The following EDIL3 variants were observed in gnomAD, a reference collection of about 807,000 sequenced individuals.
EDIL3 encodes EGF like and discoidin domains 3.
EDIL3 carries 37 observed loss-of-function variants against 67.4 expected under a neutral mutation model. The ratio of observed to expected loss-of-function variants is 0.55; its 90% CI spans 0.42 to 0.72. The LOEUF (loss-of-function observed/expected upper bound fraction) is 0.72. Ranked by LOEUF, EDIL3 falls within the 30% of genes least tolerant of loss-of-function variation. The pLI is 0.00. For synonymous variants in EDIL3, 195 were observed against 196.3 expected (o/e 0.99, Z 0.05); for missense variants, 527 against 586.3 (o/e 0.90, Z 1.04).
intron 1 of EDIL3, among the ~76,000 whole-genome samples, chr5:84,255,587 A>G (rs895919646): frequency 6.6e-6 from 1 of 152,212 alleles, no homozygotes; most frequent in African/African-American, 2.4e-5. Context: ...GCATCTGGGC[A>G]CCAACTTCCT....
intron 1 of EDIL3, among the ~76,000 whole-genome samples, chr5:84,303,806 C>CTGTG (rs1268139374): frequency 1.5e-4 from 15 of 101,328 alleles, no homozygotes; most frequent in African/African-American, 4.1e-4. Flanking sequence ...CTCTCTCTCT[C>CTGTG]TCTGTGTGTG....
Position 83,943,188 on chromosome 5 carries a change from T to C in EDIL3, c.*231A>G. The stretch of plus-strand genomic sequence containing the variant: ...ACAATGAGAGAAAAGTAATTCACAC[T>C]TAATGTGTTGTTACTTAAGAGATTT... On this transcript the variant is annotated 3_prime_UTR_variant, in exon 11 of 11. Coordinates refer to ENST00000296591, the MANE Select transcript of EDIL3 (RefSeq NM_005711.5). 1 of 496,004 alleles carries C rather than the reference T, an allele frequency of 2.0e-6. No individual in the cohort carries two copies. Among genetic ancestry groups the C allele is most frequent in the African/African-American group, 2.0e-5 (1 of 50,644 alleles). The allele number at this position is 496,004 out of a possible 1,614,324, so 30.7% of individuals were successfully genotyped here.
Position 83,974,896 on chromosome 5 carries a change from T to A in EDIL3, c.1138-11536A>T, listed in dbSNP as rs571233210. On this transcript the variant is annotated intron_variant, in intron 9 of 10. Coordinates refer to ENST00000296591, the MANE Select transcript of EDIL3 (RefSeq NM_005711.5). ...ATTCTTAAAACTCCAATCTCATCAA[T>A]CTTTTCCTTTAGGTCCTAATATCTA... Among the ~76,000 whole-genome samples, 4 of 152,190 alleles carry A rather than the reference T, an allele frequency of 2.6e-5. No homozygotes were observed. In the East Asian group the frequency reaches 7.7e-4, roughly 29 times the overall value.
At chr5:83,944,721 TA>T (rs1230555113) in intron 10 of EDIL3, among the ~76,000 whole-genome samples, 2 of 152,048 alleles carry the variant, frequency 1.3e-5, no homozygotes, top group Non-Finnish European at 2.9e-5. Context: ...TTTAAATTTT[TA>T]GAGTAAAAAT....
chr5:84,173,452 C>A (rs192102010), intron 4 of EDIL3, among the ~76,000 whole-genome samples: 26 of 152,258 alleles, frequency 1.7e-4, no homozygotes, highest in Admixed American at 6.5e-4. Context: ...CCCCTGCACC[C>A]ACTGGAAGCA....
intron 9 of EDIL3, among the ~76,000 whole-genome samples, chr5:84,056,683 T>A (rs1034045908): frequency 3.9e-5 from 6 of 152,010 alleles, no homozygotes; most frequent in Admixed American, 2.0e-4. Flanking sequence ...TTAGCTGGTA[T>A]ATAAAAGACA....
intron 5 of EDIL3, among the ~76,000 whole-genome samples, chr5:84,125,325 A>G (rs575615323): frequency 2.0e-5 from 3 of 152,150 alleles, no homozygotes; most frequent in African/African-American, 4.8e-5. Context: ...TTGTCTCATC[A>G]CTTGCATGAT....
intron 4 of EDIL3, among the ~76,000 whole-genome samples, chr5:84,140,523 A>G (rs2048902954): frequency 6.6e-6 from 1 of 152,114 alleles, no homozygotes; most frequent in Non-Finnish European, 1.5e-5. Flanking sequence ...CCATCTATAA[A>G]TCATCAGCAA....
intron 3 of EDIL3, among the ~76,000 whole-genome samples, chr5:84,189,185 TGGAGATCA>T (rs1335273424): frequency 3.3e-5 from 5 of 151,978 alleles, no homozygotes; most frequent in Non-Finnish European, 5.9e-5. Flanking sequence ...TTGATGGTGC[TGGAGATCA>T]GGAGAGCAGT....
At chr5:84,041,098 T>G (rs1746112034) in intron 9 of EDIL3, among the ~76,000 whole-genome samples, 1 of 149,964 alleles carries the variant, frequency 6.7e-6, no homozygotes, top group Admixed American at 6.7e-5. Context: ...GCCACTACAC[T>G]CCAGCCTGGG....
intron 5 of EDIL3, among the ~76,000 whole-genome samples, chr5:84,119,307 C>G (rs1420607428): frequency 8.2e-6 from 1 of 122,550 alleles, no homozygotes; most frequent in African/African-American, 3.1e-5. Flanking sequence ...TAATAAAAAA[C>G]GTGAATACAT....
In EDIL3 at chr5:84,364,855, C is replaced by T. The variant is rs115734418; in HGVS notation, c.67+19453G>A. Reference sequence around the variant, plus strand: ...ATTTTCTAACCCGAAACTTTAATACCTATTTTTTAATTCATCCAAACCACT... The same window carrying T: ...ATTTTCTAACCCGAAACTTTAATACTTATTTTTTAATTCATCCAAACCACT... On this transcript the variant is annotated intron_variant, in intron 1 of 10. Transcript: ENST00000296591. 6.2e-3 allele frequency among the ~76,000 whole-genome samples: 936 copies of T among 151,942 alleles called. 4 individuals are homozygous for T. The highest frequency in any genetic ancestry group is 7.9e-3 in the Non-Finnish European group (539 of 67,886).
chr5:84,342,941 CAG>C (rs1481197745), intron 1 of EDIL3, among the ~76,000 whole-genome samples: 2 of 152,042 alleles, frequency 1.3e-5, no homozygotes, highest in African/African-American at 4.8e-5. Context: ...CACTTTGTTT[CAG>C]AGACTTTCTA....
chr5:84,170,594 A>C (rs1023267935), intron 4 of EDIL3, among the ~76,000 whole-genome samples: 14 of 152,120 alleles, frequency 9.2e-5, no homozygotes, highest in Non-Finnish European at 1.5e-4. Context: ...GGGGAGAATG[A>C]AATCCTACCT....
At chr5:84,059,259 G>A (rs1283687134) in intron 9 of EDIL3, among the ~76,000 whole-genome samples, 2 of 151,702 alleles carry the variant, frequency 1.3e-5, no homozygotes, top group African/African-American at 2.4e-5. Context: ...AAAAATTAGC[G>A]GGGTATAGTG....
At chr5:84,206,072 A>C (rs1222424826) in intron 3 of EDIL3, among the ~76,000 whole-genome samples, 1 of 150,546 alleles carries the variant, frequency 6.6e-6, no homozygotes, top group East Asian at 2.0e-4. Flanking sequence ...TTCCCTCTAC[A>C]CACTGCTTTG....
intron 1 of EDIL3, among the ~76,000 whole-genome samples, chr5:84,362,456 T>G (rs1359542123): frequency 6.6e-6 from 1 of 152,166 alleles, no homozygotes; most frequent in Admixed American, 6.6e-5. Flanking sequence ...TTAACTAGCA[T>G]GGACTGATGG....
At chr5:84,098,385 A>T (rs2112275150) in intron 6 of EDIL3, among the ~76,000 whole-genome samples, 1 of 152,276 alleles carries the variant, frequency 6.6e-6, no homozygotes, top group South Asian at 2.1e-4. Context: ...TAATAGACTT[A>T]GGTGACAAGG....
rs910206764 is a variant in EDIL3 at position 84,064,969 on chromosome 5, G to A, written c.808-125C>T. ...AACAGATTACATTATTTGGGAGCATGGAGCATTTGAGAAGTGCCTTGCCAT... is the reference window on the plus strand; with the variant it reads ...AACAGATTACATTATTTGGGAGCATAGAGCATTTGAGAAGTGCCTTGCCAT... On this transcript the variant is annotated intron_variant, in intron 7 of 10. Transcript: ENST00000296591. 13 of 1,252,688 alleles carry A rather than the reference G, an allele frequency of 1.0e-5. No homozygotes were observed. The African/African-American group carries it at 1.7e-4, about 16-fold the overall frequency. The allele number at this position is 1,252,688 out of a possible 1,614,324, so 77.6% of individuals were successfully genotyped here. A position where few individuals can be genotyped will look rare whatever the true frequency, so the allele number is the denominator to read the frequency against.
Sources: gnomAD v4.1 joint callset for allele counts (sites outside exome capture counted in the v4.1 genomes callset) on GRCh38, gnomAD v4.1.1 for gene constraint, MANE v1.5 for transcripts, NCBI Gene and HGNC (gene_info 2026-07-23, HGNC 2026-07-21) for gene names.